Variants in TBXAS1 observed in about 807,000 individuals in gnomAD.
TBXAS1 encodes thromboxane A synthase 1, also known as thromboxane-A synthase.
Under a neutral mutation model 60.7 loss-of-function variants are expected in TBXAS1, and 48 were observed. The ratio of observed to expected loss-of-function variants is 0.79; its 90% CI spans 0.63 to 1.01. The LOEUF (loss-of-function observed/expected upper bound fraction) is 1.01. TBXAS1 is among the 50% of genes least tolerant of loss of function. TBXAS1 has a pLI of 0.00. For missense variants in TBXAS1, 685 were observed against 686.3 expected (o/e 1.00, Z 0.02); for synonymous variants, 287 against 269.7 (o/e 1.06, Z -0.63).
intron 9 of TBXAS1, among the ~76,000 whole-genome samples, chr7:139,965,747 A>G (rs1240533705): frequency 6.6e-6 from 1 of 152,198 alleles, no homozygotes; most frequent in Non-Finnish European, 1.5e-5. Flanking sequence ...AAATGGGAAT[A>G]TCTACAGCTG....
chr7:139,875,839 G>C (rs960782521), intron 3 of TBXAS1: 5 of 653,942 alleles, frequency 7.6e-6, no homozygotes, highest in East Asian at 5.6e-5. Context: ...TTGCCCACGG[G>C]GGGACTCTGC....
At chr7:139,865,850 AGGAG>A (rs1300100794) in intron 1 of TBXAS1, among the ~76,000 whole-genome samples, 1 of 80,194 alleles carries the variant, frequency 1.2e-5, no homozygotes, top group Non-Finnish European at 2.3e-5. Context: ...GGAAGAAGGA[AGGAG>A]GGAGGGAGGA....
rs369986784 is a variant in TBXAS1, at chr7:139,909,339, T to C, written c.237-1886T>C. ...AGATCCAAGGACTTCTCAAATTGTA[T>C]GCAGAATGCTGTTAAGTGTCCACAG... On this transcript the variant is annotated intron_variant, in intron 3 of 12. Coordinates refer to ENST00000448866, the MANE Select transcript of TBXAS1 (RefSeq NM_001061.7). 1.9e-4 allele frequency among the ~76,000 whole-genome samples: 29 copies of C among 152,334 alleles called. No individual in the cohort carries two copies. In the East Asian group the frequency reaches 5.4e-3, roughly 28 times the overall value.
chr7:139,860,307 A>G (rs1237439088), intron 1 of TBXAS1, among the ~76,000 whole-genome samples: 4 of 151,970 alleles, frequency 2.6e-5, no homozygotes, highest in Non-Finnish European at 2.9e-5. Flanking sequence ...TCAGTTCTGT[A>G]GAAACAGGAA....
intron 1 of TBXAS1, among the ~76,000 whole-genome samples, chr7:139,859,933 G>A (rs1800847969): frequency 6.6e-6 from 1 of 152,182 alleles, no homozygotes; most frequent in African/African-American, 2.4e-5. Context: ...GAGGTTAGGA[G>A]TTCGAGACCA....
intron 4 of TBXAS1, among the ~76,000 whole-genome samples, chr7:139,934,413 C>CCTGACCTCAGGTGATCCACCCG (rs1807579116): frequency 6.6e-6 from 1 of 152,066 alleles, no homozygotes; most frequent in African/African-American, 2.4e-5. Flanking sequence ...GTCTCAAACT[C>CCTGACCTCAGGTGATCCACCCG]CTGACCTCAG....
At chr7:139,854,827 C>T (rs1318954150) in intron 1 of TBXAS1, among the ~76,000 whole-genome samples, 1 of 152,124 alleles carries the variant, frequency 6.6e-6, no homozygotes, top group African/African-American at 2.4e-5. Context: ...CAAGGTAAAC[C>T]CTTAGTTCTC....
chr7:139,887,169 T>C (rs979365928), intron 3 of TBXAS1, among the ~76,000 whole-genome samples: 1 of 152,064 alleles, frequency 6.6e-6, no homozygotes, highest in Non-Finnish European at 1.5e-5. Context: ...CTGTGACCCA[T>C]GGTTTCAGAA....
chr7:139,977,235 C>T (rs1811629505), intron 9 of TBXAS1, among the ~76,000 whole-genome samples: 1 of 152,164 alleles, frequency 6.6e-6, no homozygotes, highest in Non-Finnish European at 1.5e-5. Context: ...GTTTCATGGA[C>T]TTACAGTTCC....
intron 1 of TBXAS1, among the ~76,000 whole-genome samples, chr7:139,861,174 CAA>C (rs11336231): frequency 7.7e-4 from 100 of 129,976 alleles, no homozygotes; most frequent in Middle Eastern, 7.9e-3. Context: ...AACTCTGTCT[CAA>C]AAAAAAAAAA....
At chr7:139,838,968 T>C (rs186192817) in intron 1 of TBXAS1, among the ~76,000 whole-genome samples, 1 of 152,330 alleles carries the variant, frequency 6.6e-6, no homozygotes, top group Admixed American at 6.5e-5. Flanking sequence ...AATTCTTACT[T>C]CTGGAGGAGA....
chr7:139,931,285 C>T (rs17180415), intron 4 of TBXAS1, among the ~76,000 whole-genome samples: 2,939 of 152,214 alleles, frequency 0.019, 61 homozygotes, highest in Non-Finnish European at 0.033. Context: ...AGTCTGGAAG[C>T]CCTTGACCAG....
At chr7:139,891,009 T>C (rs915431659) in intron 3 of TBXAS1, among the ~76,000 whole-genome samples, 1 of 152,102 alleles carries the variant, frequency 6.6e-6, no homozygotes, top group Admixed American at 6.5e-5. Flanking sequence ...AGTTTTTTCA[T>C]TTAGCACTGT....
chr7:139,984,923 GGAAA>G lies in TBXAS1; in HGVS notation c.1135-22151_1135-22148del, dbSNP rs201679489. 5.9e-4 allele frequency among the ~76,000 whole-genome samples: 77 copies of G among 129,824 alleles called. 1 individual carries two copies. The highest frequency in any genetic ancestry group is 8.7e-4 in the East Asian group (4 of 4,622). 85.2% of individuals were successfully genotyped at this position (129,824 alleles called of 152,430 possible). On this transcript the variant is annotated intron_variant, in intron 9 of 12. Transcript: ENST00000448866. ...AGAAAGAAAGGAAAGAAAGAAAGAA[GGAAA>G]GAAAGAAAGAAAGAAAAGAAAAGAA... is the stretch of plus-strand genomic sequence containing the variant.
chr7:139,929,525 G>C (rs1334606593), intron 4 of TBXAS1, among the ~76,000 whole-genome samples: 1 of 152,178 alleles, frequency 6.6e-6, no homozygotes, highest in Non-Finnish European at 1.5e-5. Flanking sequence ...ATCGAAAAAG[G>C]TTGCTTTATG....
At chr7:139,992,446 C>T (rs759336578) in intron 9 of TBXAS1, among the ~76,000 whole-genome samples, 1 of 152,268 alleles carries the variant, frequency 6.6e-6, no homozygotes, top group Admixed American at 6.5e-5. Context: ...AAGGCCCACA[C>T]TAGCGGGGAA....
intron 3 of TBXAS1, among the ~76,000 whole-genome samples, chr7:139,900,551 A>G (rs1173015789): frequency 6.6e-6 from 1 of 152,240 alleles, no homozygotes; most frequent in Non-Finnish European, 1.5e-5. Flanking sequence ...GGGGCACCAT[A>G]CTAGTTAGGA....
chr7:140,010,432 C>T (rs745500113), intron 10 of TBXAS1, among the ~76,000 whole-genome samples: 27 of 152,172 alleles, frequency 1.8e-4, no homozygotes, highest in African/African-American at 5.1e-4. Flanking sequence ...GGATGCTGTG[C>T]GGTGCAGTTC....
intron 3 of TBXAS1, among the ~76,000 whole-genome samples, chr7:139,883,189 AATTTG>A (rs1802827383): frequency 6.6e-6 from 1 of 152,138 alleles, no homozygotes; most frequent in African/African-American, 2.4e-5. Flanking sequence ...GAGACAGAGG[AATTTG>A]ATTTGAGTCC....
Sources: allele counts gnomAD v4.1 joint callset (sites outside exome capture counted in the v4.1 genomes callset), GRCh38; gene constraint gnomAD v4.1.1; transcripts MANE v1.5; gene names NCBI Gene and HGNC (gene_info 2026-07-23, HGNC 2026-07-21).